DMRT1: variants seen among roughly 807,000 people sequenced by gnomAD.
DMRT1 encodes doublesex- and mab-3-related transcription factor 1.
DMRT1 carries 7 observed loss-of-function variants against 32.3 expected under a neutral mutation model. The ratio of observed to expected loss-of-function variants is 0.22; its 90% CI spans 0.12 to 0.41. DMRT1 has a LOEUF of 0.41. Ranked by LOEUF, DMRT1 falls within the 10% of genes least tolerant of loss-of-function variation. The probability of loss-of-function intolerance (pLI) is 1.00; values close to 1 mark genes in which losing one functional copy is unlikely to be tolerated. For synonymous variants in DMRT1, 278 were observed against 206.1 expected (o/e 1.35, Z -2.99); for missense variants, 625 against 500.5 (o/e 1.25, Z -2.37).
chr9:868,243 TGCTGG>T lies in DMRT1; in HGVS notation c.538+21102_538+21106del, dbSNP rs550446053. On this transcript the variant is annotated intron_variant, in intron 2 of 4. Coordinates refer to ENST00000382276, the MANE Select transcript of DMRT1 (RefSeq NM_021951.3). ...ATCTGCCTGTTTCTGCCTCCCAGAG[TGCTGG>T]GATTACAGGCGTGACCACTGCACCT... 5.2e-3 allele frequency among the ~76,000 whole-genome samples: 792 copies of T among 152,240 alleles called. 1 individual carries two copies. The highest frequency in any genetic ancestry group is 7.7e-3 in the Admixed American group (118 of 15,298).
intron 4 of DMRT1, among the ~76,000 whole-genome samples, chr9:923,562 T>C (rs4637907): frequency 1.6e-4 from 24 of 151,932 alleles, no homozygotes; most frequent in Non-Finnish European, 2.5e-4. Context: ...ATCATGACTT[T>C]CCCCCATTTT....
chr9:890,048 A>G (rs938234311), intron 2 of DMRT1, among the ~76,000 whole-genome samples: 4 of 151,252 alleles, frequency 2.6e-5, no homozygotes, highest in Non-Finnish European at 5.9e-5. Flanking sequence ...AAACAAAAGA[A>G]TGATATAGAA....
chr9:844,806 C>T (rs552484032), intron 1 of DMRT1, among the ~76,000 whole-genome samples: 4 of 151,366 alleles, frequency 2.6e-5, no homozygotes, highest in East Asian at 3.9e-4. Flanking sequence ...CGGCAACCTC[C>T]GCCTCCTGGG....
chr9:871,515 T>G (rs1241829716), intron 2 of DMRT1, among the ~76,000 whole-genome samples: 2,189 of 147,052 alleles, frequency 0.015, 98 homozygotes, highest in African/African-American at 0.052. Context: ...TTTTTTTTTT[T>G]TTTTTTTGGT....
At chr9:927,620 A>G (rs1818571092) in intron 4 of DMRT1, among the ~76,000 whole-genome samples, 7 of 152,202 alleles carry the variant, frequency 4.6e-5, no homozygotes, top group Admixed American at 3.9e-4. Context: ...TTATATTTAT[A>G]TATAGGCATA....
intron 2 of DMRT1, among the ~76,000 whole-genome samples, chr9:861,098 T>A (rs1044041235): frequency 2.0e-5 from 3 of 150,636 alleles, no homozygotes; most frequent in African/African-American, 7.3e-5. Context: ...TTCTTGGGTG[T>A]TTCTCGGAGA....
At chr9:947,910 T>G (rs1480106113) in intron 4 of DMRT1, among the ~76,000 whole-genome samples, 2 of 152,222 alleles carry the variant, frequency 1.3e-5, no homozygotes, top group African/African-American at 4.8e-5. Context: ...TGAATGGATT[T>G]CTCCCAACAG....
At chr9:882,605 CTTT>C (rs1816774070) in intron 2 of DMRT1, among the ~76,000 whole-genome samples, 1 of 152,038 alleles carries the variant, frequency 6.6e-6, no homozygotes, top group Admixed American at 6.6e-5. Flanking sequence ...ACACTCTGGG[CTTT>C]TCAGTAGCCC....
intron 2 of DMRT1, among the ~76,000 whole-genome samples, chr9:882,052 A>T (rs527482247): frequency 3.9e-5 from 6 of 152,298 alleles, no homozygotes; most frequent in Non-Finnish European, 7.4e-5. Context: ...TCATTGTAGG[A>T]TTAACAGTTT....
chr9:862,145 G>A (rs1815735721), intron 2 of DMRT1, among the ~76,000 whole-genome samples: 1 of 150,410 alleles, frequency 6.6e-6, no homozygotes, highest in African/African-American at 2.4e-5. Flanking sequence ...GGAGGCCAAG[G>A]CAGGCGGCTG....
intron 2 of DMRT1, among the ~76,000 whole-genome samples, chr9:885,493 A>G (rs576560734): frequency 1.3e-5 from 2 of 152,290 alleles, no homozygotes; most frequent in East Asian, 3.9e-4. Context: ...AACCAAACGC[A>G]GCGTTGTTCT....
intron 2 of DMRT1, among the ~76,000 whole-genome samples, chr9:853,238 C>A (rs890193897): frequency 1.3e-5 from 2 of 152,030 alleles, no homozygotes; most frequent in Non-Finnish European, 2.9e-5. Context: ...GATGAACTTA[C>A]ACTGATGCAT....
At chr9:873,310 A>C (rs1354251952) in intron 2 of DMRT1, among the ~76,000 whole-genome samples, 1 of 144,324 alleles carries the variant, frequency 6.9e-6, no homozygotes, top group Non-Finnish European at 1.5e-5. Context: ...TTCTATAAGC[A>C]TTTTTTTTTT....
chr9:890,775 C>T (rs933234384), intron 2 of DMRT1, among the ~76,000 whole-genome samples: 3 of 152,130 alleles, frequency 2.0e-5, no homozygotes, highest in Non-Finnish European at 1.5e-5. Context: ...AGTGCAGTGA[C>T]GCGATCTCTG....
chr9:864,166 C>A (rs1815854079), intron 2 of DMRT1, among the ~76,000 whole-genome samples: 2 of 151,756 alleles, frequency 1.3e-5, no homozygotes, highest in Non-Finnish European at 1.5e-5. Context: ...ATGGCTAAAC[C>A]AATGTGTTAT....
intron 2 of DMRT1, among the ~76,000 whole-genome samples, chr9:886,042 T>C (rs1816915340): frequency 6.6e-6 from 1 of 152,234 alleles, no homozygotes; most frequent in South Asian, 2.1e-4. Context: ...GAGATCTAGC[T>C]TAAGAATTTT....
intron 2 of DMRT1, among the ~76,000 whole-genome samples, chr9:872,642 A>G (rs1168954826): frequency 1.3e-5 from 2 of 152,176 alleles, no homozygotes; most frequent in African/African-American, 4.8e-5. Context: ...GTGTTGTAGC[A>G]TGTTTCAGGA....
intron 2 of DMRT1, among the ~76,000 whole-genome samples, chr9:853,230 T>C (rs931616181): frequency 6.6e-6 from 1 of 152,076 alleles, no homozygotes; most frequent in South Asian, 2.1e-4. Context: ...CTAGCATCGA[T>C]GAACTTACAC....
chr9:881,721 G>GTCCC, intron 2 of DMRT1, among the ~76,000 whole-genome samples: 1 of 152,348 alleles, frequency 6.6e-6, no homozygotes, highest in East Asian at 1.9e-4. Context: ...TATTTAAAAG[G>GTCCC]TTCAAGAAGG....
Sources: allele counts gnomAD v4.1 joint callset (sites outside exome capture counted in the v4.1 genomes callset), GRCh38; gene constraint gnomAD v4.1.1; transcripts MANE v1.5; gene names NCBI Gene and HGNC (gene_info 2026-07-23, HGNC 2026-07-21).